Variants in CDK2 observed in about 807,000 individuals in gnomAD.
CDK2 encodes cyclin-dependent kinase 2.
In CDK2, 8 loss-of-function variants were observed where a neutral mutation model predicts 35.0. The observed-to-expected ratio is 0.23, with a 90% CI of 0.13 to 0.41. The LOEUF (loss-of-function observed/expected upper bound fraction) is 0.41, where lower values mean the gene tolerates loss of function less well. Among genes scored for constraint, CDK2 ranks in the 10% least tolerant of loss-of-function variants. The pLI is 1.00. For missense variants in CDK2, 201 were observed against 367.1 expected (o/e 0.55, Z 3.70); for synonymous variants, 134 against 137.7 (o/e 0.97, Z 0.19).
chr12:55,968,388 A>G (rs1889391642), intron 3 of CDK2: 1 of 546,084 alleles, frequency 1.8e-6, no homozygotes, highest in African/African-American at 1.9e-5. Context: ...GAGTCAACCT[A>G]GCAACTCAGG....
rs1446735470 is a variant in CDK2, at chr12:55,967,333, A to G, written c.116+209A>G. ...ATAGGGTGGTGTGGAATCCATGGAA[A>G]ACTTTCTTCCCAAACTGAGCCGGAT... On this transcript the variant is annotated intron_variant, in intron 1 of 6. Coordinates refer to ENST00000266970, the MANE Select transcript of CDK2 (RefSeq NM_001798.5). 5.4e-6 allele frequency: 3 copies of G among 554,752 alleles called. No individual in the cohort carries two copies. The African/African-American group carries it at 5.7e-5, about 10-fold the overall frequency. The allele number at this position is 554,752 out of a possible 1,614,324, so 34.4% of individuals were successfully genotyped here. A position where few individuals can be genotyped will look rare whatever the true frequency, so the allele number is the denominator to read the frequency against.
intron 3 of CDK2, 31 bp downstream of exon 3, chr12:55,968,200 G>A: frequency 6.2e-7 from 1 of 1,611,992 alleles, no homozygotes; most frequent in Non-Finnish European, 8.5e-7. Context: ...CTCTCATCAT[G>A]GGCATGTCTT....
At chr12:55,970,411 TAACAGTAC>T (rs1394313402) in intron 5 of CDK2, among the ~76,000 whole-genome samples, 1 of 149,006 alleles carries the variant, frequency 6.7e-6, no homozygotes, top group Admixed American at 6.7e-5. Flanking sequence ...TCCTTTAATA[TAACAGTAC>T]AGTGGTGCAG....
rs755532080 is a variant in CDK2, at chr12:55,969,591, C to T, written c.588+15C>T. On this transcript the variant is annotated intron_variant, in intron 5 of 6. Transcript: ENST00000266970. ...TTGCTGAGATGGTATGGAGGCTTGC[C>T]CAAGTTCCACCCAGCCCCCTCCCTC... is the stretch of plus-strand genomic sequence containing the variant. 2 of 1,488,580 alleles carry T rather than the reference C, an allele frequency of 1.3e-6. No homozygotes were observed. The highest frequency in any genetic ancestry group is 1.9e-6 in the Non-Finnish European group (2 of 1,076,210). 92.2% of individuals were successfully genotyped at this position (1,488,580 alleles called of 1,614,324 possible).
chr12:55,971,118 C>T lies in CDK2; in HGVS notation c.663C>T (p.Thr221=). Reference sequence around the variant, plus strand: ...TCCGGATCTTTCGGACTCTGGGGACCCCAGATGAGGTGGTGTGGCCAGGAG... The same window carrying T: ...TCCGGATCTTTCGGACTCTGGGGACTCCAGATGAGGTGGTGTGGCCAGGAG... ...QLFRIFRTLG[T]PDEVVWPGVT... is the part of the protein sequence containing the mutation. Residue 221 remains threonine, a synonymous_variant, in exon 6 of 7, where the codon ACC becomes ACT. Coordinates refer to ENST00000266970, the MANE Select transcript of CDK2 (RefSeq NM_001798.5). 1 of 1,614,076 alleles carries T rather than the reference C, an allele frequency of 6.2e-7. No individual in the cohort carries two copies. Among genetic ancestry groups the T allele is most frequent in the Non-Finnish European group, 8.5e-7 (1 of 1,180,022 alleles).
chr12:55,968,804 C>A lies in CDK2; in HGVS notation c.342C>A (p.Gly114=), dbSNP rs1365114942. 6.2e-7 allele frequency: 1 copy of A among 1,606,802 alleles called. No individual in the cohort carries two copies. The highest frequency in any genetic ancestry group is 1.3e-5 in the African/African-American group (1 of 74,180). The part of the protein sequence containing the change: ...IKSYLFQLLQ[G]LAFCHSHRVL... ...GCTATCTGTTCCAGCTGCTCCAGGG[C>A]CTAGCTTTCTGCCATTCTCATCGGG... Residue 114 remains glycine (G), a synonymous_variant, in exon 4 of 7, where the codon GGC becomes GGA. Coordinates refer to ENST00000266970, the MANE Select transcript of CDK2 (RefSeq NM_001798.5).
intron 1 of CDK2, 79 bp downstream of exon 1, chr12:55,967,203 C>G: frequency 9.5e-7 from 1 of 1,048,874 alleles, no homozygotes; most frequent in Admixed American, 2.0e-5. Flanking sequence ...GGCGGGTAGC[C>G]GTCCAGGGAC....
At chr12:55,969,673 C>G in intron 5 of CDK2, 97 bp downstream of exon 5, 1 of 604,036 alleles carries the variant, frequency 1.7e-6, no homozygotes. Flanking sequence ...TATGGCCCTT[C>G]TATCACAGGG....
rs532950257 is a variant in CDK2 at position 55,968,843 on chromosome 12, C to T, written c.381C>T (p.Asp127=). The change falls in exon 4 of 7, where the codon GAC becomes GAT. Residue 127 remains aspartate (D), a synonymous_variant. Transcript: ENST00000266970. ...FCHSHRVLHR[D]LKPQNLLINT... ...ATTCTCATCGGGTCCTCCACCGAGA[C>T]CTTAAACCTCAGAATCTGCTTATTA... 16 of 1,613,060 alleles carry T rather than the reference C, an allele frequency of 9.9e-6. No individual in the cohort carries two copies. The highest frequency in any genetic ancestry group is 1.3e-5 in the Non-Finnish European group (15 of 1,179,676).
chr12:55,968,655 G>C, intron 3 of CDK2, 123 bp from the exon 4 acceptor site: 1 of 720,914 alleles, frequency 1.4e-6, no homozygotes, highest in Non-Finnish European at 2.2e-6. Context: ...GGGAGAAATA[G>C]CTTGTAAATA....
At position 55,971,760 on chromosome 12, in the gene CDK2, A is replaced by G. The variant is rs556622666; in HGVS notation, c.*135A>G. On this transcript the variant is annotated 3_prime_UTR_variant, in exon 7 of 7. Coordinates refer to ENST00000266970, the MANE Select transcript of CDK2 (RefSeq NM_001798.5). ...AAACACTCACCTTCTAGTCTTGGCC[A>G]GCCAACTCTGGGAATACAGGGGTGA... is the stretch of plus-strand genomic sequence containing the variant. The G allele has an allele frequency of 2.7e-5, 17 of 638,864 alleles. No individual in the cohort carries two copies. The Admixed American group carries it at 3.5e-4, about 13-fold the overall frequency. 39.6% of individuals were successfully genotyped at this position (638,864 alleles called of 1,614,324 possible).
rs371108331 is a variant in CDK2, at chr12:55,967,950, A to G, written c.194+16A>G. ...ATATTGTCAAGTAAGTATGCGTCTG[A>G]GAGGTGATCCAGCTGGAAAGGAGGA... is the stretch of plus-strand genomic sequence containing the variant. On this transcript the variant is annotated intron_variant, in intron 2 of 6. Coordinates refer to ENST00000266970, the MANE Select transcript of CDK2 (RefSeq NM_001798.5). The G allele has an allele frequency of 4.8e-5, 78 of 1,613,754 alleles. No individual in the cohort carries two copies. In the South Asian group the frequency reaches 8.5e-4, roughly 17 times the overall value.
chr12:55,969,486 G>A lies in CDK2; in HGVS notation c.498G>A (p.Leu166=). The A allele has an allele frequency of 6.2e-7, 1 of 1,605,652 alleles. No individual in the cohort carries two copies. The highest frequency in any genetic ancestry group is 8.5e-7 in the Non-Finnish European group (1 of 1,174,958). Residue 166 remains leucine, a synonymous_variant, in exon 5 of 7, where the codon CTG becomes CTA. Coordinates refer to ENST00000266970, the MANE Select transcript of CDK2 (RefSeq NM_001798.5). The stretch of plus-strand genomic sequence containing the variant: ...TTCCCGTCCCTCAGGTGGTGACCCT[G>A]TGGTACCGAGCTCCTGAAATCCTCC... The part of the protein sequence containing the change: ...VRTYTHEVVT[L]WYRAPEILLG...
intron 5 of CDK2, chr12:55,969,827 T>G (rs1418031767): frequency 2.5e-5 from 8 of 322,422 alleles, no homozygotes; most frequent in Non-Finnish European, 3.9e-5. Context: ...AAAGCATTTC[T>G]GCAGCTGTTT....
intron 1 of CDK2, 134 bp downstream of exon 1, chr12:55,967,258 T>C (rs12823915): frequency 1.2e-5 from 8 of 677,874 alleles, no homozygotes; most frequent in Non-Finnish European, 1.3e-5. Flanking sequence ...GAGAGGTGGG[T>C]TGGGGGCCAG....
intron 1 of CDK2, chr12:55,967,352 G>C: frequency 1.8e-6 from 1 of 542,918 alleles, no homozygotes; most frequent in East Asian, 3.0e-5. Flanking sequence ...CCCAAACTGA[G>C]CCGGATCGTG....
chr12:55,971,012 G>T, intron 5 of CDK2, 32 bp from the exon 6 acceptor site: 1 of 1,588,670 alleles, frequency 6.3e-7, no homozygotes, highest in South Asian at 1.1e-5. Context: ...CGTCAACGTG[G>T]GTCTTGGTAT....
chr12:55,969,028 T>G (rs1889409756), intron 4 of CDK2, 80 bp downstream of exon 4: 26 of 1,083,498 alleles, frequency 2.4e-5, no homozygotes, highest in Non-Finnish European at 3.2e-5. Flanking sequence ...TAAAAATATC[T>G]GGCTAACAGT....
At chr12:55,968,317 C>T in intron 3 of CDK2, 148 bp downstream of exon 3, 1 of 772,074 alleles carries the variant, frequency 1.3e-6, no homozygotes, top group African/African-American at 1.8e-5. Context: ...TGTCTCCTTC[C>T]CTGCTCATTA....
Sources: allele counts gnomAD v4.1 joint callset (sites outside exome capture counted in the v4.1 genomes callset), GRCh38; gene constraint gnomAD v4.1.1; transcripts MANE v1.5; gene names NCBI Gene and HGNC (gene_info 2026-07-23, HGNC 2026-07-21).